The following CADM1 variants were observed in gnomAD, a reference collection of about 807,000 sequenced individuals.
The protein encoded by CADM1 is TSLC-1.
CADM1 carries 15 observed loss-of-function variants against 53.1 expected under a neutral mutation model. The ratio of observed to expected loss-of-function variants is 0.28; its 90% CI spans 0.19 to 0.44. CADM1 has a LOEUF of 0.44. Ranked by LOEUF, CADM1 falls within the 20% of genes least tolerant of loss-of-function variation. The pLI is 1.00. For synonymous variants in CADM1, 281 were observed against 243.0 expected (o/e 1.16, Z -1.45); for missense variants, 434 against 611.3 (o/e 0.71, Z 3.06).
chr11:115,303,047 G>T (rs996874539), intron 1 of CADM1, among the ~76,000 whole-genome samples: 2 of 152,110 alleles, frequency 1.3e-5, no homozygotes, highest in African/African-American at 4.8e-5. Context: ...GTATGCTGCT[G>T]GGTGTGTGGG....
At chr11:115,203,106 G>A (rs1488180159) in intron 8 of CADM1, among the ~76,000 whole-genome samples, 1 of 152,036 alleles carries the variant, frequency 6.6e-6, no homozygotes, top group African/African-American at 2.4e-5. Context: ...CCCTGTGAGT[G>A]AAGAGATTGT....
At chr11:115,452,007 A>G (rs939107798) in intron 1 of CADM1, among the ~76,000 whole-genome samples, 1 of 152,204 alleles carries the variant, frequency 6.6e-6, no homozygotes, top group Non-Finnish European at 1.5e-5. Context: ...AAACCGAGGG[A>G]GAACTATTCA....
intron 1 of CADM1, among the ~76,000 whole-genome samples, chr11:115,340,645 TATATATATATA>T (rs1945410411): frequency 2.9e-5 from 1 of 35,050 alleles, no homozygotes; most frequent in African/African-American, 9.8e-5. Context: ...TATATATATA[TATATATATATA>T]TATTTTTTTT....
chr11:115,387,232 C>T (rs549293375), intron 1 of CADM1, among the ~76,000 whole-genome samples: 1 of 152,168 alleles, frequency 6.6e-6, no homozygotes, highest in Admixed American at 6.5e-5. Context: ...AGATGAACCC[C>T]ATTTGCTATA....
chr11:115,202,621 C>G (rs1940487890), intron 8 of CADM1, among the ~76,000 whole-genome samples: 1 of 152,012 alleles, frequency 6.6e-6, no homozygotes, highest in Non-Finnish European at 1.5e-5. Context: ...TGTCATAAGC[C>G]TAAATGAAAG....
chr11:115,392,872 A>G (rs1383759500), intron 1 of CADM1, among the ~76,000 whole-genome samples: 1 of 151,988 alleles, frequency 6.6e-6, no homozygotes, highest in African/African-American at 2.4e-5. Flanking sequence ...AAAAATCTAG[A>G]GGATTAAAAG....
Position 115,176,326 on chromosome 11 carries a change from T to TTAA in CADM1, c.*147_*148insTTA. 6.6e-7 allele frequency: 1 copy of TTAA among 1,519,806 alleles called. No homozygotes were observed. The highest frequency in any genetic ancestry group is 2.0e-5 in the Admixed American group (1 of 49,430). The allele number at this position is 1,519,806 out of a possible 1,614,324, so 94.1% of individuals were successfully genotyped here. A position where few individuals can be genotyped will look rare whatever the true frequency, so the allele number is the denominator to read the frequency against. Reference sequence around the variant, plus strand: ...TTCCAAAGAACATTTTTTTTTTTTTTACACAGCAAATCCCAAGCCTTCCCA... The same window carrying TTAA: ...TTCCAAAGAACATTTTTTTTTTTTTTTAAACACAGCAAATCCCAAGCCTTCCCA... On this transcript the variant is annotated 3_prime_UTR_variant, in exon 12 of 12. Coordinates refer to ENST00000331581, the MANE Select transcript of CADM1 (RefSeq NM_001301043.2).
chr11:115,244,834 G>T (rs1246179818), intron 1 of CADM1, among the ~76,000 whole-genome samples: 1 of 152,190 alleles, frequency 6.6e-6, no homozygotes, highest in Non-Finnish European at 1.5e-5. Flanking sequence ...AGATGAGAGA[G>T]AAACTGTCCT....
At chr11:115,267,983 C>T (rs1449142190) in intron 1 of CADM1, among the ~76,000 whole-genome samples, 3 of 152,180 alleles carry the variant, frequency 2.0e-5, no homozygotes, top group South Asian at 2.1e-4. Context: ...GAGAATATAT[C>T]GTTAACACAT....
chr11:115,341,597 A>G (rs1043568160), intron 1 of CADM1, among the ~76,000 whole-genome samples: 1 of 152,198 alleles, frequency 6.6e-6, no homozygotes, highest in Non-Finnish European at 1.5e-5. Context: ...CAGGAGATAA[A>G]ACATTAATCT....
intron 9 of CADM1, among the ~76,000 whole-genome samples, chr11:115,196,504 G>A (rs2134668494): frequency 6.8e-6 from 1 of 148,058 alleles, no homozygotes; most frequent in Non-Finnish European, 1.5e-5. Flanking sequence ...TATATCAGGG[G>A]TGTCCAATCT....
chr11:115,240,632 C>G (rs1317510189), intron 1 of CADM1, among the ~76,000 whole-genome samples: 2 of 152,172 alleles, frequency 1.3e-5, no homozygotes, highest in African/African-American at 2.4e-5. Flanking sequence ...CTGGAATCAT[C>G]ATACTCTCAA....
In CADM1 at chr11:115,328,691, T is replaced by C. The variant is rs376833566; in HGVS notation, c.125-88271A>G. Among the ~76,000 whole-genome samples, 53 of 19,068 alleles carry C rather than the reference T, an allele frequency of 2.8e-3. 1 individual carries two copies. Among genetic ancestry groups the C allele is most frequent in the Admixed American group, 4.2e-3 (5 of 1,190 alleles). The allele number at this position is 19,068 out of a possible 152,430, so 12.5% of individuals were successfully genotyped here. A position where few individuals can be genotyped will look rare whatever the true frequency, so the allele number is the denominator to read the frequency against. On this transcript the variant is annotated intron_variant, in intron 1 of 11. Coordinates refer to ENST00000331581, the MANE Select transcript of CADM1 (RefSeq NM_001301043.2). ...CTATATATATATGTGTATATATATGTGTATATATATGTATATATATATGTG... is the reference window on the plus strand; with the variant it reads ...CTATATATATATGTGTATATATATGCGTATATATATGTATATATATATGTG...
rs573684845 is a variant in CADM1 at position 115,501,712 on chromosome 11, A to T, written c.124+2559T>A. Among the ~76,000 whole-genome samples the T allele has an allele frequency of 3.4e-4, 52 of 152,298 alleles. No individual in the cohort carries two copies. The South Asian group carries it at 0.01, about 30-fold the overall frequency. ...GTCCTAATTCGCTTTCCCAGCAAGG[A>T]TGTAAACGAAACAAGCCTAATGAAG... On this transcript the variant is annotated intron_variant, in intron 1 of 11. Coordinates refer to ENST00000331581, the MANE Select transcript of CADM1 (RefSeq NM_001301043.2).
At chr11:115,271,153 T>A (rs1943285200) in intron 1 of CADM1, among the ~76,000 whole-genome samples, 1 of 152,184 alleles carries the variant, frequency 6.6e-6, no homozygotes, top group Admixed American at 6.5e-5. Flanking sequence ...TTCATCTTTA[T>A]CAGGCTAAGC....
chr11:115,207,885 C>T (rs1940772083), intron 8 of CADM1, among the ~76,000 whole-genome samples: 1 of 152,116 alleles, frequency 6.6e-6, no homozygotes, highest in Admixed American at 6.5e-5. Flanking sequence ...CTAAAGGGCA[C>T]TTCACAAGAG....
At chr11:115,491,125 T>C (rs1949487264) in intron 1 of CADM1, among the ~76,000 whole-genome samples, 1 of 152,082 alleles carries the variant, frequency 6.6e-6, no homozygotes, top group Non-Finnish European at 1.5e-5. Context: ...TTGAGGCATT[T>C]ATTTGCCAAC....
chr11:115,206,052 A>G (rs1403204448), intron 8 of CADM1, among the ~76,000 whole-genome samples: 1 of 152,232 alleles, frequency 6.6e-6, no homozygotes, highest in Non-Finnish European at 1.5e-5. Context: ...AAACATGCAC[A>G]GGACACTTAC....
At chr11:115,222,578 G>A (rs1941445802) in intron 5 of CADM1, among the ~76,000 whole-genome samples, 1 of 152,128 alleles carries the variant, frequency 6.6e-6, no homozygotes, top group South Asian at 2.1e-4. Flanking sequence ...AGAACCTCCT[G>A]CTGTTACATC....
Sources: gnomAD v4.1 joint callset for allele counts (sites outside exome capture counted in the v4.1 genomes callset) on GRCh38, gnomAD v4.1.1 for gene constraint, MANE v1.5 for transcripts, NCBI Gene and HGNC (gene_info 2026-07-23, HGNC 2026-07-21) for gene names.